Variants in KRT74 observed in about 807,000 individuals in gnomAD.
KRT74 encodes the protein keratin 74, also known as keratin, type II cytoskeletal 74.
In KRT74, 43 loss-of-function variants were observed where a neutral mutation model predicts 42.7. The observed-to-expected ratio is 1.01, with a 90% CI of 0.79 to 1.30. The LOEUF is 1.30. KRT74 is among the 50% of genes most tolerant of loss of function. The pLI is 0.00. For synonymous variants in KRT74, 302 were observed against 279.0 expected, an observed-to-expected ratio of 1.08 and a Z score of -0.82; for missense variants, 736 against 689.1, an observed-to-expected ratio of 1.07 and a Z score of -0.76.
intron 6 of KRT74, among the ~76,000 whole-genome samples, chr12:52,569,334 G>A (rs1032238573): frequency 3.0e-5 from 4 of 134,908 alleles, no homozygotes; most frequent in Admixed American, 9.0e-5. Flanking sequence ...GGGCTTCATC[G>A]ACAGCTGTGT....
At chr12:52,567,777 C>A in intron 7 of KRT74, 84 bp from the exon 8 acceptor site, 1 of 990,590 alleles carries the variant, frequency 1.0e-6, no homozygotes, top group Non-Finnish European at 1.6e-6. Context: ...TTTATACGTG[C>A]ATCATTTAAA....
intron 6 of KRT74, 109 bp downstream of exon 6, chr12:52,569,750 C>G: frequency 7.0e-7 from 1 of 1,421,110 alleles, no homozygotes. Context: ...GGCCGAGGGA[C>G]CCCTAAGCCC....
At chr12:52,570,640 C>T in intron 5 of KRT74, 29 bp downstream of exon 5, 1 of 1,613,684 alleles carries the variant, frequency 6.2e-7, no homozygotes, top group East Asian at 2.2e-5. Flanking sequence ...CGAAGGGCTG[C>T]TGTGGGAGGA....
At chr12:52,568,079 C>T in intron 7 of KRT74, 90 bp downstream of exon 7, 2 of 1,428,002 alleles carry the variant, frequency 1.4e-6, no homozygotes, top group Non-Finnish European at 9.8e-7. Context: ...CTTGTATTGG[C>T]ACTAACCATG....
At chr12:52,571,192 C>T (rs572431612) in intron 4 of KRT74, among the ~76,000 whole-genome samples, 167 bp downstream of exon 4, 1 of 152,356 alleles carries the variant, frequency 6.6e-6, no homozygotes, top group East Asian at 1.9e-4. Context: ...TATGTATGGC[C>T]TCCAAGGACC....
intron 6 of KRT74, among the ~76,000 whole-genome samples, chr12:52,568,962 T>C (rs1263752511): frequency 6.6e-6 from 1 of 152,160 alleles, no homozygotes; most frequent in Non-Finnish European, 1.5e-5. Flanking sequence ...CTGATGAACA[T>C]CTGGGGGGCA....
intron 8 of KRT74, 48 bp from the exon 9 acceptor site, chr12:52,567,216 C>T: frequency 6.9e-7 from 1 of 1,456,040 alleles, no homozygotes; most frequent in East Asian, 2.5e-5. Flanking sequence ...TGTCAATCAG[C>T]AGATAACAGC....
chr12:52,571,282 AATCTCTCC>A (rs1341873873), intron 4 of KRT74, 69 bp downstream of exon 4: 18 of 939,678 alleles, frequency 1.9e-5, no homozygotes, highest in Non-Finnish European at 1.4e-5. Flanking sequence ...GTTGATCCTA[AATCTCTCC>A]TTTTGGTATC....
In KRT74 at chr12:52,572,539, C is replaced by T; in HGVS notation, c.600G>A (p.Lys200=). 1 of 1,614,250 alleles carries T rather than the reference C, an allele frequency of 6.2e-7. No homozygotes were observed. Among genetic ancestry groups the T allele is most frequent in the Non-Finnish European group, 8.5e-7 (1 of 1,180,050 alleles). ...TGTCCCCAGACAGTGTCTCCAGCTG[C>T]TTCCGCAGGTTGCTGATGTAGCCCT... ...ILEGYISNLR[K]QLETLSGDRV... is the part of the protein sequence containing the mutation. Residue 200 remains lysine (K), a synonymous_variant, in exon 2 of 9, where the codon AAG becomes AAA. Coordinates refer to ENST00000305620, the MANE Select transcript of KRT74 (RefSeq NM_175053.4).
chr12:52,572,913 C>T (rs1044128174), intron 1 of KRT74, among the ~76,000 whole-genome samples: 2 of 152,168 alleles, frequency 1.3e-5, no homozygotes, highest in African/African-American at 4.8e-5. Flanking sequence ...ATTGCTCGGC[C>T]CTGGTCCCAG....
At chr12:52,571,887 G>C (rs1037412432) in intron 3 of KRT74, 57 bp downstream of exon 3, 3 of 1,177,320 alleles carry the variant, frequency 2.5e-6, no homozygotes, top group Non-Finnish European at 3.8e-6. Context: ...GTCCTGAGCA[G>C]AGTTGTTAAG....
rs1939392695 is a variant in KRT74, at chr12:52,567,019, G to A, written c.1540C>T (p.Gln514Ter). Residue 514 changes from glutamine to a stop codon, truncating the protein, a stop_gained, in exon 9 of 9, where the codon CAG becomes TAG. Coordinates refer to ENST00000305620, the MANE Select transcript of KRT74 (RefSeq NM_175053.4). LOFTEE classifies it low-confidence loss of function (END_TRUNC). ...EARGGDLKDT[Q>*]GKSTPASIPA... ...ATGCTGGCTGGGGTGCTCTTGCCCT[G>A]GGTGTCCTTGAGGTCTCCCCCTCGC... 5 of 1,605,640 alleles carry A rather than the reference G, an allele frequency of 3.1e-6. No homozygotes were observed. In the South Asian group the frequency reaches 5.6e-5, roughly 18 times the overall value.
Position 52,573,714 on chromosome 12 carries a change from C to T in KRT74, c.64G>A (p.Val22Met). The T allele has an allele frequency of 6.2e-7, 1 of 1,614,174 alleles. No individual in the cohort carries two copies. Among genetic ancestry groups the T allele is most frequent in the Non-Finnish European group, 8.5e-7 (1 of 1,180,046 alleles). The stretch of plus-strand genomic sequence containing the variant: ...CTACCCACAGCCTTCCTTGGCACCA[C>T]TGCCGAATGCACACTGAAGTTGCCC... ...DKGNFSVHSA[V>M]VPRKAVGSLA... The change falls in exon 1 of 9, where the codon GTG (valine) becomes ATG (methionine). Residue 22 changes from valine (V) to methionine (M), a missense_variant. Physicochemically the swap from Val to Met is conservative, Grantham distance 21. Transcript: ENST00000305620.
At position 52,566,817 on chromosome 12, in the gene KRT74, T is replaced by A; in HGVS notation, c.*152A>T. On this transcript the variant is annotated 3_prime_UTR_variant, in exon 9 of 9. Coordinates refer to ENST00000305620, the MANE Select transcript of KRT74 (RefSeq NM_175053.4). The stretch of plus-strand genomic sequence containing the variant: ...GGAAGGTGACTGTGTCAATCAGAGC[T>A]TGAAAGTAAAAGCTAAACCACGATG... 1 of 587,256 alleles carries A rather than the reference T, an allele frequency of 1.7e-6. No homozygotes were observed. Among genetic ancestry groups the A allele is most frequent in the Non-Finnish European group, 3.0e-6 (1 of 338,008 alleles). 36.4% of individuals were successfully genotyped at this position (587,256 alleles called of 1,614,324 possible). A position where few individuals can be genotyped will look rare whatever the true frequency, so the allele number is the denominator to read the frequency against.
In KRT74 at chr12:52,572,777, C is replaced by T. The variant is rs1939511080; in HGVS notation, c.472-110G>A. 4.0e-6 allele frequency: 4 copies of T among 1,008,856 alleles called. 1 individual carries two copies. In the South Asian group the frequency reaches 4.1e-5, roughly 10 times the overall value. The allele number at this position is 1,008,856 out of a possible 1,614,324, so 62.5% of individuals were successfully genotyped here. ...CCATAGATTGTTGTAGTCATTTTTG[C>T]TCATGTCTTGACTCTCCACCCTTGC... is the stretch of plus-strand genomic sequence containing the variant. On this transcript the variant is annotated intron_variant, in intron 1 of 8. Coordinates refer to ENST00000305620, the MANE Select transcript of KRT74 (RefSeq NM_175053.4).
In KRT74 at chr12:52,568,297, G is replaced by T. The variant is rs200004454; in HGVS notation, c.1227C>A (p.Gly409=). The change falls in exon 7 of 9, where the codon GGC becomes GGA. Residue 409 remains glycine (G), a synonymous_variant. Coordinates refer to ENST00000305620, the MANE Select transcript of KRT74 (RefSeq NM_175053.4). The part of the protein sequence containing the change: ...DAQAKLDELE[G]ALHQAKEELA... Reference sequence around the variant, plus strand: ...GCTCCTCCTTGGCCTGGTGCAGGGCGCCCTCCAGCTCATCCAGCTTGGCCT... The same window carrying T: ...GCTCCTCCTTGGCCTGGTGCAGGGCTCCCTCCAGCTCATCCAGCTTGGCCT... The T allele has an allele frequency of 4.3e-6, 7 of 1,614,084 alleles. No individual in the cohort carries two copies. The highest frequency in any genetic ancestry group is 5.9e-6 in the Non-Finnish European group (7 of 1,180,064).
In KRT74 at chr12:52,572,610, G is replaced by T. The variant is rs1421646378; in HGVS notation, c.529C>A (p.Gln177Lys). The T allele has an allele frequency of 1.2e-6, 2 of 1,614,072 alleles. No individual in the cohort carries two copies. The highest frequency in any genetic ancestry group is 1.7e-6 in the Non-Finnish European group (2 of 1,180,052). The change falls in exon 2 of 9, where the codon CAG (glutamine) becomes AAG (lysine). Residue 177 changes from glutamine to lysine, a missense_variant. Physicochemically the swap from Gln to Lys is moderately conservative, Grantham distance 53. Coordinates refer to ENST00000305620, the MANE Select transcript of KRT74 (RefSeq NM_175053.4). ...TTCTTGCAGTTGTTCAGGTCCAGCT[G>T]CTGCAGCAGCTCCCACTTGGTTTCT... Reference protein sequence around the residue: ...VLETKWELLQQLDLNNCKKNL... With the variant: ...VLETKWELLQKLDLNNCKKNL...
At chr12:52,571,323 G>A (rs1238705648) in intron 4 of KRT74, 36 bp downstream of exon 4, 2 of 1,261,286 alleles carry the variant, frequency 1.6e-6, no homozygotes, top group Non-Finnish European at 1.2e-6. Flanking sequence ...TCGGGAAGGA[G>A]GCAGGGTGAG....
At chr12:52,572,810 C>T (rs1029423214) in intron 1 of KRT74, 143 bp from the exon 2 acceptor site, 7 of 769,254 alleles carry the variant, frequency 9.1e-6, no homozygotes, top group African/African-American at 8.6e-5. Flanking sequence ...TGCCATTCCA[C>T]ACAAACTAGA....
Sources: gnomAD v4.1 joint callset for allele counts (sites outside exome capture counted in the v4.1 genomes callset) on GRCh38, gnomAD v4.1.1 for gene constraint, MANE v1.5 for transcripts, NCBI Gene and HGNC (gene_info 2026-07-23, HGNC 2026-07-21) for gene names.